The following GRID1 variants were observed in gnomAD, a reference collection of about 807,000 sequenced individuals.
GRID1 encodes the protein glutamate receptor ionotropic, delta-1.
In GRID1, 28 loss-of-function variants were observed where a neutral mutation model predicts 98.0. The ratio of observed to expected loss-of-function variants is 0.29; its 90% CI spans 0.21 to 0.39. The LOEUF is 0.39. Among genes scored for constraint, GRID1 ranks in the 10% least tolerant of loss-of-function variants. GRID1 has a pLI of 1.00. For missense variants in GRID1, 1,111 were observed against 1,340.5 expected, an observed-to-expected ratio of 0.83 and a Z score of 2.67; for synonymous variants, 553 against 538.5, an observed-to-expected ratio of 1.03 and a Z score of -0.37.
intron 5 of GRID1, among the ~76,000 whole-genome samples, chr10:85,896,875 G>C (rs1468758023): frequency 6.6e-6 from 1 of 152,166 alleles, no homozygotes; most frequent in Non-Finnish European, 1.5e-5. Flanking sequence ...GATGTTGATT[G>C]CAGCATAATT....
intron 4 of GRID1, among the ~76,000 whole-genome samples, chr10:85,937,891 G>T (rs1371713537): frequency 6.6e-6 from 1 of 152,184 alleles, no homozygotes; most frequent in Non-Finnish European, 1.5e-5. Context: ...ACCAGGGCTA[G>T]CTTAATGTTC....
chr10:86,099,818 C>G (rs56809898), intron 4 of GRID1, among the ~76,000 whole-genome samples: 8,472 of 152,244 alleles, frequency 0.056, 536 homozygotes, highest in African/African-American at 0.15. Flanking sequence ...TCTCCATGCA[C>G]AGGGGCCACT....
At chr10:86,299,155 C>G (rs1231228182) in intron 2 of GRID1, among the ~76,000 whole-genome samples, 2 of 151,540 alleles carry the variant, frequency 1.3e-5, no homozygotes, top group African/African-American at 4.9e-5. Context: ...CCATGTGGTA[C>G]TGCAGGACAA....
chr10:86,300,095 G>A (rs1208405133), intron 2 of GRID1, among the ~76,000 whole-genome samples: 1 of 152,094 alleles, frequency 6.6e-6, no homozygotes, highest in African/African-American at 2.4e-5. Flanking sequence ...ATATGACGAG[G>A]AGAGAACACA....
chr10:85,703,988 A>C (rs1184033879), intron 12 of GRID1, among the ~76,000 whole-genome samples: 1 of 152,150 alleles, frequency 6.6e-6, no homozygotes, highest in African/African-American at 2.4e-5. Flanking sequence ...TTCACTTATG[A>C]AGCTTAGTTT....
chr10:85,995,802 T>C (rs1022983500), intron 4 of GRID1, among the ~76,000 whole-genome samples: 4 of 152,016 alleles, frequency 2.6e-5, no homozygotes, highest in Non-Finnish European at 5.9e-5. Flanking sequence ...TCCCTCAGAA[T>C]AGGAAAAGAG....
At position 86,220,404 on chromosome 10, in the gene GRID1, G is replaced by A. The variant is rs557146765; in HGVS notation, c.236-13756C>T. The stretch of plus-strand genomic sequence containing the variant: ...GCTCCATGCCCTACCCTGAAAACGC[G>A]GTTATGATAGTCCTGACCTCATGGA... On this transcript the variant is annotated intron_variant, in intron 2 of 15. Transcript: ENST00000327946. 7.9e-5 allele frequency among the ~76,000 whole-genome samples: 12 copies of A among 152,288 alleles called. No homozygotes were observed. In the South Asian group the frequency reaches 8.3e-4, roughly 11 times the overall value.
At chr10:86,047,784 T>G (rs1843445367) in intron 4 of GRID1, among the ~76,000 whole-genome samples, 1 of 152,020 alleles carries the variant, frequency 6.6e-6, no homozygotes, top group African/African-American at 2.4e-5. Context: ...CGAAATGAAA[T>G]TACGTGTCTA....
At chr10:86,309,983 C>G (rs1400432031) in intron 2 of GRID1, among the ~76,000 whole-genome samples, 1 of 152,152 alleles carries the variant, frequency 6.6e-6, no homozygotes, top group Non-Finnish European at 1.5e-5. Context: ...GCTTCAAGCC[C>G]ACTACCACCC....
At chr10:85,912,948 A>C (rs1841561441) in intron 5 of GRID1, among the ~76,000 whole-genome samples, 1 of 152,228 alleles carries the variant, frequency 6.6e-6, no homozygotes, top group African/African-American at 2.4e-5. Flanking sequence ...TTATAATAAG[A>C]ATAACAGGAC....
At chr10:86,330,780 A>G (rs7084400) in intron 2 of GRID1, among the ~76,000 whole-genome samples, 294 of 152,358 alleles carry the variant, frequency 1.9e-3, no homozygotes, top group African/African-American at 6.1e-3. Flanking sequence ...TACAAGCCAC[A>G]TAAGACAGGA....
chr10:86,106,003 C>A (rs1262034925), intron 4 of GRID1, among the ~76,000 whole-genome samples: 2 of 152,030 alleles, frequency 1.3e-5, no homozygotes, highest in African/African-American at 4.8e-5. Context: ...CCAGTGTTCC[C>A]AATTGCAAAG....
chr10:86,250,478 G>C (rs1474482634), intron 2 of GRID1, among the ~76,000 whole-genome samples: 1 of 152,270 alleles, frequency 6.6e-6, no homozygotes, highest in African/African-American at 2.4e-5. Flanking sequence ...CAGGCAGCTT[G>C]TGTGAGTGTG....
At chr10:86,170,783 T>C (rs1004044496) in intron 3 of GRID1, among the ~76,000 whole-genome samples, 1 of 152,078 alleles carries the variant, frequency 6.6e-6, no homozygotes, top group Non-Finnish European at 1.5e-5. Flanking sequence ...AGAGCAGGAG[T>C]GAAGCTATTT....
At position 85,599,681 on chromosome 10, in the gene GRID1, G is replaced by A. The variant is rs1590151168; in HGVS notation, c.*2592C>T. ...TCCAAAGAGCAAAGCATGAAAAAAAGATACATTCTGAGCTGACACAGAAAT... is the reference window on the plus strand; with the variant it reads ...TCCAAAGAGCAAAGCATGAAAAAAAAATACATTCTGAGCTGACACAGAAAT... On this transcript the variant is annotated 3_prime_UTR_variant, in exon 16 of 16. Transcript: ENST00000327946. 1 of 147,642 alleles carries A rather than the reference G, an allele frequency of 6.8e-6. No homozygotes were observed. The highest frequency in any genetic ancestry group is 2.5e-5 in the African/African-American group (1 of 39,956). 9.1% of individuals were successfully genotyped at this position (147,642 alleles called of 1,614,324 possible).
intron 8 of GRID1, among the ~76,000 whole-genome samples, chr10:85,784,891 C>T (rs1277468304): frequency 1.3e-5 from 2 of 152,156 alleles, no homozygotes; most frequent in Non-Finnish European, 2.9e-5. Context: ...TCTCTGAGCA[C>T]ACAATTGGAC....
At chr10:85,622,022 A>G (rs1169006225) in intron 13 of GRID1, among the ~76,000 whole-genome samples, 2 of 152,180 alleles carry the variant, frequency 1.3e-5, no homozygotes, top group Non-Finnish European at 2.9e-5. Flanking sequence ...TTGTTTCTAC[A>G]TTTCAAGTGA....
chr10:86,250,175 T>C (rs1228493277), intron 2 of GRID1, among the ~76,000 whole-genome samples: 1 of 152,172 alleles, frequency 6.6e-6, no homozygotes, highest in East Asian at 1.9e-4. Flanking sequence ...GTGGGGACAT[T>C]GCTTCCAGTG....
At chr10:86,222,931 T>G (rs1846280938) in intron 2 of GRID1, among the ~76,000 whole-genome samples, 1 of 152,060 alleles carries the variant, frequency 6.6e-6, no homozygotes, top group South Asian at 2.1e-4. Context: ...TGGGGGGACA[T>G]GCGAGACTGC....
Sources: gnomAD v4.1 joint callset for allele counts (sites outside exome capture counted in the v4.1 genomes callset) on GRCh38, gnomAD v4.1.1 for gene constraint, MANE v1.5 for transcripts, NCBI Gene and HGNC (gene_info 2026-07-23, HGNC 2026-07-21) for gene names.